DLEU7: variants seen among roughly 807,000 people sequenced by gnomAD.
The protein encoded by DLEU7 is leukemia-associated protein 7.
In DLEU7, 17 loss-of-function variants were observed where a neutral mutation model predicts 16.0. That is an observed-to-expected ratio of 1.06 (90% CI 0.73 to 1.59). The LOEUF is 1.59. DLEU7 is among the 40% of genes most tolerant of loss of function. The probability of loss-of-function intolerance (pLI) is 0.00; values close to 1 mark genes in which losing one functional copy is unlikely to be tolerated. For missense variants in DLEU7, 308 were observed against 314.9 expected (o/e 0.98, Z 0.17); for synonymous variants, 113 against 139.8 (o/e 0.81, Z 1.35).
rs551245088 is a variant in DLEU7 at position 50,838,645 on chromosome 13, G to A, written c.459+4543C>T. Among the ~76,000 whole-genome samples the A allele has an allele frequency of 5.9e-5, 9 of 152,326 alleles. No homozygotes were observed. The South Asian group carries it at 1.9e-3, about 32-fold the overall frequency. ...TTCTGTCACTATATCAGGTGGCCAT[G>A]ATGGAAGGAGGTACAGAGATCATCC... On this transcript the variant is annotated intron_variant, in intron 1 of 1. Coordinates refer to ENST00000504404, the MANE Select transcript of DLEU7 (RefSeq NM_001306135.2).
chr13:50,782,315 G>T (rs879020026), intron 1 of DLEU7, among the ~76,000 whole-genome samples: 1 of 152,180 alleles, frequency 6.6e-6, no homozygotes, highest in Admixed American at 6.5e-5. Context: ...TCAGACATGT[G>T]CATATGTTGT....
At chr13:50,827,718 A>G (rs1384886021) in intron 1 of DLEU7, among the ~76,000 whole-genome samples, 1 of 152,130 alleles carries the variant, frequency 6.6e-6, no homozygotes, top group Non-Finnish European at 1.5e-5. Flanking sequence ...TATTGACCTT[A>G]TGTATATAGA....
At position 50,773,932 on chromosome 13, in the gene DLEU7, C is replaced by A. The variant is rs116916553; in HGVS notation, c.460-60692G>T. Among the ~76,000 whole-genome samples, 63 of 152,312 alleles carry A rather than the reference C, an allele frequency of 4.1e-4. 2 individuals are homozygous for A. In the East Asian group the frequency reaches 0.012, roughly 28 times the overall value. ...CTGTGGTGGGCTGCACCAGTTTGAG[C>A]TTCCAGGCCACTTTGTTTACCTACT... is the stretch of plus-strand genomic sequence containing the variant. On this transcript the variant is annotated intron_variant, in intron 1 of 1. Coordinates refer to the DLEU7 transcript ENST00000400393.
chr13:50,808,907 C>G (rs1436686487), intron 1 of DLEU7, among the ~76,000 whole-genome samples: 1 of 150,772 alleles, frequency 6.6e-6, no homozygotes, highest in Non-Finnish European at 1.5e-5. Context: ...TCAGTTGGAA[C>G]AAAAAGGGAA....
intron 1 of DLEU7, among the ~76,000 whole-genome samples, chr13:50,727,646 T>C (rs1272997932): frequency 1.3e-5 from 2 of 152,158 alleles, no homozygotes; most frequent in Non-Finnish European, 2.9e-5. Context: ...GGAATCACGT[T>C]GGGAATACCT....
At chr13:50,737,725 C>T (rs897259097) in intron 1 of DLEU7, among the ~76,000 whole-genome samples, 1 of 152,090 alleles carries the variant, frequency 6.6e-6, no homozygotes, top group African/African-American at 2.4e-5. Flanking sequence ...GCCTCTAATT[C>T]CCTGAGACAC....
intron 1 of DLEU7, among the ~76,000 whole-genome samples, chr13:50,794,526 G>T (rs1420290572): frequency 6.6e-6 from 1 of 152,086 alleles, no homozygotes; most frequent in Non-Finnish European, 1.5e-5. Flanking sequence ...ACTACTTCAG[G>T]TTGCCAGGCT....
chr13:50,819,634 G>A (rs890928286), downstream of DLEU7, among the ~76,000 whole-genome samples: 7 of 152,136 alleles, frequency 4.6e-5, no homozygotes, highest in Non-Finnish European at 8.8e-5. Context: ...AGTGAATTTA[G>A]GTGACACTAA....
intron 1 of DLEU7, among the ~76,000 whole-genome samples, chr13:50,781,248 C>T (rs1056512558): frequency 1.3e-5 from 2 of 152,126 alleles, no homozygotes; most frequent in East Asian, 1.9e-4. Flanking sequence ...CCATATTGGA[C>T]ATAGGCCACT....
rs1025431425 is a variant in DLEU7, at chr13:50,796,537, C to G, written c.459+46651G>C. The stretch of plus-strand genomic sequence containing the variant: ...ATGAATTGTTCATTTCTGCAATTTT[C>G]CATTTAATCTTTTTGAATTGCAGTT... On this transcript the variant is annotated intron_variant, in intron 1 of 1. Coordinates refer to the DLEU7 transcript ENST00000400393. 2.6e-5 allele frequency among the ~76,000 whole-genome samples: 4 copies of G among 152,228 alleles called. No individual in the cohort carries two copies. In the South Asian group the frequency reaches 8.3e-4, roughly 32 times the overall value.
chr13:50,754,522 A>G (rs1437268563), intron 1 of DLEU7, among the ~76,000 whole-genome samples: 1 of 152,178 alleles, frequency 6.6e-6, no homozygotes, highest in African/African-American at 2.4e-5. Context: ...CATTTGCATA[A>G]AATGCCTTTT....
At chr13:50,816,248 C>T (rs1489425125) in intron 1 of DLEU7, among the ~76,000 whole-genome samples, 5 of 152,054 alleles carry the variant, frequency 3.3e-5, no homozygotes, top group Admixed American at 1.3e-4. Flanking sequence ...ATTAAACTTG[C>T]TGCAAGGCAA....
intron 1 of DLEU7, among the ~76,000 whole-genome samples, chr13:50,813,444 A>G (rs954426088): frequency 5.3e-5 from 8 of 152,140 alleles, no homozygotes; most frequent in African/African-American, 1.9e-4. Context: ...TTATTTTTCA[A>G]TAGTTCTGTT....
At chr13:50,741,076 A>C (rs1351789821) in intron 1 of DLEU7, among the ~76,000 whole-genome samples, 3 of 152,216 alleles carry the variant, frequency 2.0e-5, no homozygotes, top group African/African-American at 7.2e-5. Flanking sequence ...TATAGCTGAA[A>C]GCTAACATCT....
At chr13:50,723,602 A>C (rs116589788) in intron 1 of DLEU7, among the ~76,000 whole-genome samples, 6 of 152,074 alleles carry the variant, frequency 3.9e-5, no homozygotes, top group Admixed American at 3.9e-4. Flanking sequence ...GTTGACAGTC[A>C]CCTTCTTGCT....
In DLEU7 at chr13:50,796,404, A is replaced by C. The variant is rs527927095; in HGVS notation, c.459+46784T>G. On this transcript the variant is annotated intron_variant, in intron 1 of 1. Transcript: ENST00000400393. ...AGTGACTCACAGGTGAGGAGCATCT[A>C]TAGTGCAAATCTGCTAGGCCAAGGG... Among the ~76,000 whole-genome samples, 108 of 152,290 alleles carry C rather than the reference A, an allele frequency of 7.1e-4. 1 individual carries two copies. Among genetic ancestry groups the C allele is most frequent in the African/African-American group, 2.3e-3 (97 of 41,570 alleles).
intron 1 of DLEU7, chr13:50,840,209 T>C (rs1287167759): frequency 6.6e-6 from 1 of 152,188 alleles, no homozygotes; most frequent in East Asian, 1.9e-4. Context: ...TCTGAAACCA[T>C]TCTATTGTAT....
rs1056052644 is a variant in DLEU7, at chr13:50,804,622, T to A, written c.459+38566A>T. The stretch of plus-strand genomic sequence containing the variant: ...CCACACCCAGCTATTTTTTAAAAAT[T>A]TTTATTAGAGATGGGATTTCACCAT... On this transcript the variant is annotated intron_variant, in intron 1 of 1. Transcript: ENST00000400393. Among the ~76,000 whole-genome samples the A allele has an allele frequency of 5.7e-4, 86 of 152,020 alleles. 1 individual carries two copies. Among genetic ancestry groups the A allele is most frequent in the Admixed American group, 4.7e-3 (71 of 15,260 alleles).
intron 1 of DLEU7, among the ~76,000 whole-genome samples, chr13:50,837,095 TAGCC>T (rs1877495644): frequency 6.6e-6 from 1 of 152,180 alleles, no homozygotes; most frequent in African/African-American, 2.4e-5. Context: ...ACCAAAGTAT[TAGCC>T]AGTCACCATT....
Sources: allele counts gnomAD v4.1 joint callset (sites outside exome capture counted in the v4.1 genomes callset), GRCh38; gene constraint gnomAD v4.1.1; transcripts MANE v1.5; gene names NCBI Gene and HGNC (gene_info 2026-07-23, HGNC 2026-07-21).